ENTHD1: variants seen among roughly 807,000 people sequenced by gnomAD.
ENTHD1 encodes the protein ENTH domain containing 1, also known as ENTH domain-containing protein 1.
In ENTHD1, 23 loss-of-function variants were observed where a neutral mutation model predicts 39.1. The ratio of observed to expected loss-of-function variants is 0.59; its 90% CI spans 0.42 to 0.83. ENTHD1 has a LOEUF of 0.83. Among genes scored for constraint, ENTHD1 ranks in the 40% least tolerant of loss-of-function variants. ENTHD1 has a pLI of 0.00. For missense variants in ENTHD1, 624 were observed against 705.4 expected, an observed-to-expected ratio of 0.88 and a Z score of 1.31; for synonymous variants, 230 against 258.2, an observed-to-expected ratio of 0.89 and a Z score of 1.05.
intron 1 of ENTHD1, among the ~76,000 whole-genome samples, chr22:39,891,136 A>T (rs1000889630): frequency 1.3e-5 from 2 of 152,210 alleles, no homozygotes; most frequent in Non-Finnish European, 2.9e-5. Context: ...AAATAGAGGG[A>T]AGAAGTTAGG....
chr22:39,761,144 T>A (rs879899204), intron 6 of ENTHD1, among the ~76,000 whole-genome samples: 1 of 152,284 alleles, frequency 6.6e-6, no homozygotes, highest in East Asian at 1.9e-4. Flanking sequence ...TCCCCGATGA[T>A]CAGTTTTTAT....
At chr22:39,822,076 C>G (rs1033674247) in intron 4 of ENTHD1, among the ~76,000 whole-genome samples, 8 of 152,172 alleles carry the variant, frequency 5.3e-5, no homozygotes, top group African/African-American at 1.9e-4. Context: ...CTAATGTCAT[C>G]AATTACCATA....
chr22:39,759,418 T>G (rs967732156), intron 6 of ENTHD1, among the ~76,000 whole-genome samples: 3 of 152,126 alleles, frequency 2.0e-5, no homozygotes, highest in African/African-American at 7.2e-5. Flanking sequence ...TTCATAATAC[T>G]CTCTCATAAT....
At chr22:39,844,984 G>GT (rs908546318) in intron 3 of ENTHD1, among the ~76,000 whole-genome samples, 3 of 151,360 alleles carry the variant, frequency 2.0e-5, no homozygotes, top group African/African-American at 7.3e-5. Flanking sequence ...GCAGGACCTC[G>GT]TATAAGAGAC....
intron 5 of ENTHD1, among the ~76,000 whole-genome samples, chr22:39,808,609 C>T (rs2065661967): frequency 1.3e-5 from 2 of 152,148 alleles, no homozygotes; most frequent in African/African-American, 4.8e-5. Context: ...GGTTGTATGA[C>T]ATTGTTATAA....
intron 5 of ENTHD1, among the ~76,000 whole-genome samples, chr22:39,773,805 A>G (rs1179323012): frequency 6.6e-6 from 1 of 152,218 alleles, no homozygotes; most frequent in Non-Finnish European, 1.5e-5. Flanking sequence ...GCAACTACAA[A>G]TTTAGGCATT....
intron 2 of ENTHD1, among the ~76,000 whole-genome samples, chr22:39,862,512 C>A (rs184396470): frequency 6.9e-6 from 1 of 145,358 alleles, no homozygotes; most frequent in Admixed American, 6.9e-5. Flanking sequence ...TGCACCACTG[C>A]ACTCCAGCTT....
intron 5 of ENTHD1, among the ~76,000 whole-genome samples, chr22:39,806,115 G>T (rs774858243): frequency 3.9e-5 from 6 of 152,126 alleles, no homozygotes; most frequent in Non-Finnish European, 7.3e-5. Flanking sequence ...TACATCTCTG[G>T]GTTCCTGCCA....
chr22:39,831,213 C>T (rs921849258), intron 4 of ENTHD1, among the ~76,000 whole-genome samples: 1 of 152,158 alleles, frequency 6.6e-6, no homozygotes, highest in Non-Finnish European at 1.5e-5. Context: ...GTATTAGACT[C>T]GGATAGGTGA....
At chr22:39,817,588 T>C (rs1344995636) in intron 5 of ENTHD1, among the ~76,000 whole-genome samples, 1 of 152,190 alleles carries the variant, frequency 6.6e-6, no homozygotes, top group African/African-American at 2.4e-5. Flanking sequence ...TAGTTCACTC[T>C]GCGGAGGGGA....
At chr22:39,828,396 G>A (rs2065842310) in intron 4 of ENTHD1, among the ~76,000 whole-genome samples, 1 of 152,096 alleles carries the variant, frequency 6.6e-6, no homozygotes, top group South Asian at 2.1e-4. Flanking sequence ...CAAGAAAAAT[G>A]AATTAACATA....
intron 4 of ENTHD1, among the ~76,000 whole-genome samples, chr22:39,831,549 G>T (rs1236757469): frequency 6.6e-6 from 1 of 152,192 alleles, no homozygotes; most frequent in Admixed American, 6.5e-5. Flanking sequence ...TAGGGGCCAG[G>T]TACGGTGGCT....
intron 3 of ENTHD1, among the ~76,000 whole-genome samples, chr22:39,837,481 T>C (rs1337551367): frequency 6.6e-6 from 1 of 152,178 alleles, no homozygotes; most frequent in Non-Finnish European, 1.5e-5. Flanking sequence ...TAAGAACCTC[T>C]AAGGCACCAA....
intron 4 of ENTHD1, among the ~76,000 whole-genome samples, chr22:39,833,940 G>GAAA (rs2065889208): frequency 3.9e-5 from 1 of 25,834 alleles, no homozygotes; most frequent in Non-Finnish European, 6.7e-5. Context: ...ATATACTTGG[G>GAAA]CAAAAAAAAA....
chr22:39,879,233 C>T (rs1035702914), intron 2 of ENTHD1, among the ~76,000 whole-genome samples: 39 of 151,736 alleles, frequency 2.6e-4, no homozygotes, highest in African/African-American at 1.7e-4. Flanking sequence ...GAGGCTGAGG[C>T]GGGCGGATCA....
At chr22:39,756,053 C>T (rs1036439372) in intron 6 of ENTHD1, among the ~76,000 whole-genome samples, 1 of 152,012 alleles carries the variant, frequency 6.6e-6, no homozygotes, top group Non-Finnish European at 1.5e-5. Context: ...AAGGGACATT[C>T]GATTTATTCT....
At chr22:39,805,248 C>G (rs565580489) in intron 5 of ENTHD1, among the ~76,000 whole-genome samples, 2 of 152,350 alleles carry the variant, frequency 1.3e-5, no homozygotes, top group East Asian at 3.9e-4. Flanking sequence ...GTGAGCAACA[C>G]TGCAGAATTC....
rs1247119799 is a variant in ENTHD1 at position 39,765,433 on chromosome 22, A to G, written c.1009T>C (p.Ser337Pro). The change falls in exon 6 of 7, where the codon TCA becomes CCA. Residue 337 changes from serine (S) to proline (P), a missense_variant. Ser to Pro is a moderately conservative substitution (Grantham distance 74). Transcript: ENST00000325157. ...GGGCTGATAAACTCCTCTTTACTTGACCAACATGCTGGTAAAATTGTCAAT... is the reference window on the plus strand; with the variant it reads ...GGGCTGATAAACTCCTCTTTACTTGGCCAACATGCTGGTAAAATTGTCAAT... ...KTLTILPACW[S>P]SKEEFISPDL... 6.2e-7 allele frequency: 1 copy of G among 1,613,938 alleles called. No individual in the cohort carries two copies. Among genetic ancestry groups the G allele is most frequent in the Middle Eastern group, 1.7e-4 (1 of 6,060 alleles).
chr22:39,826,562 AT>A (rs1325749128), intron 4 of ENTHD1, among the ~76,000 whole-genome samples: 2 of 152,160 alleles, frequency 1.3e-5, no homozygotes, highest in African/African-American at 2.4e-5. Flanking sequence ...GTTTAAAAAA[AT>A]GTTTACATTA....
Sources: allele counts gnomAD v4.1 joint callset (sites outside exome capture counted in the v4.1 genomes callset), GRCh38; gene constraint gnomAD v4.1.1; transcripts MANE v1.5; gene names NCBI Gene and HGNC (gene_info 2026-07-23, HGNC 2026-07-21).